The following ERP44 variants were observed in gnomAD, a reference collection of about 807,000 sequenced individuals.
ERP44 encodes the protein endoplasmic reticulum protein 44.
In ERP44, 25 loss-of-function variants were observed where a neutral mutation model predicts 53.4. The ratio of observed to expected loss-of-function variants is 0.47; its 90% CI spans 0.34 to 0.65. The LOEUF is 0.65. Ranked by LOEUF, ERP44 falls within the 30% of genes least tolerant of loss-of-function variation. The pLI is 0.01. For synonymous variants in ERP44, 145 were observed against 161.2 expected (o/e 0.90, Z 0.76); for missense variants, 338 against 493.2 (o/e 0.69, Z 2.98).
intron 4 of ERP44, among the ~76,000 whole-genome samples, chr9:100,036,754 C>A (rs1437401629): frequency 6.6e-6 from 1 of 151,362 alleles, no homozygotes; most frequent in Non-Finnish European, 1.5e-5. Flanking sequence ...AAGCCAGGCA[C>A]AGAAAAATAA....
intron 8 of ERP44, among the ~76,000 whole-genome samples, chr9:100,010,427 A>G (rs1239171669): frequency 6.6e-6 from 1 of 152,228 alleles, no homozygotes; most frequent in Admixed American, 6.5e-5. Flanking sequence ...AAGATTTTCC[A>G]GGTCTATACC....
At chr9:100,053,003 C>T (rs943961171) in intron 3 of ERP44, among the ~76,000 whole-genome samples, 3 of 152,040 alleles carry the variant, frequency 2.0e-5, no homozygotes, top group African/African-American at 2.4e-5. Context: ...CTGCACCCTC[C>T]ACCTCCAGGG....
At chr9:100,024,953 C>G (rs1014421320) in intron 4 of ERP44, among the ~76,000 whole-genome samples, 25 of 151,980 alleles carry the variant, frequency 1.6e-4, no homozygotes, top group African/African-American at 5.8e-4. Flanking sequence ...CTAGAAGAAA[C>G]AGAAGATATA....
intron 1 of ERP44, among the ~76,000 whole-genome samples, chr9:100,084,933 A>G (rs1826464831): frequency 6.6e-6 from 1 of 152,228 alleles, no homozygotes; most frequent in Non-Finnish European, 1.5e-5. Context: ...AGCTAAGGCA[A>G]CAAACACAAC....
intron 1 of ERP44, among the ~76,000 whole-genome samples, chr9:100,075,346 C>T (rs1209891505): frequency 6.6e-6 from 1 of 152,224 alleles, no homozygotes; most frequent in Non-Finnish European, 1.5e-5. Context: ...TTTCTCCATT[C>T]CTTTCCATAA....
intron 1 of ERP44, among the ~76,000 whole-genome samples, chr9:100,089,580 C>CAAAAAA (rs71498726): frequency 3.9e-4 from 17 of 43,438 alleles, no homozygotes; most frequent in South Asian, 9.9e-4. Context: ...GACTCCATCT[C>CAAAAAA]AAAAAAAAAA....
chr9:100,064,284 A>G (rs1156824260), intron 1 of ERP44, among the ~76,000 whole-genome samples: 2 of 152,192 alleles, frequency 1.3e-5, no homozygotes, highest in African/African-American at 4.8e-5. Flanking sequence ...AGAAACATTC[A>G]AATATGTACT....
chr9:100,063,291 G>A (rs1296547472), intron 1 of ERP44, among the ~76,000 whole-genome samples: 1 of 152,036 alleles, frequency 6.6e-6, no homozygotes, highest in Non-Finnish European at 1.5e-5. Flanking sequence ...TGTTAAGAGG[G>A]CCCAAAGCAA....
chr9:100,089,629 C>T (rs1340814660), intron 1 of ERP44, among the ~76,000 whole-genome samples: 2 of 148,328 alleles, frequency 1.3e-5, no homozygotes, highest in East Asian at 3.9e-4. Flanking sequence ...AGCCATAAAG[C>T]GCTTCCTTAA....
chr9:100,017,298 T>C (rs563331150), intron 7 of ERP44, among the ~76,000 whole-genome samples: 2 of 152,356 alleles, frequency 1.3e-5, no homozygotes, highest in Admixed American at 1.3e-4. Context: ...CCGTTTTTAC[T>C]AATTAAGAAA....
At chr9:100,079,044 C>T (rs1338001251) in intron 1 of ERP44, among the ~76,000 whole-genome samples, 3 of 152,126 alleles carry the variant, frequency 2.0e-5, no homozygotes, top group Non-Finnish European at 4.4e-5. Flanking sequence ...TGAGTGTCAA[C>T]TTGATTGGCT....
chr9:100,083,220 A>C (rs1279666090), intron 1 of ERP44, among the ~76,000 whole-genome samples: 1 of 152,156 alleles, frequency 6.6e-6, no homozygotes. Context: ...ATTCACTGTA[A>C]TATTATTTGT....
At chr9:100,049,052 G>T (rs913497515) in intron 4 of ERP44, among the ~76,000 whole-genome samples, 4 of 152,056 alleles carry the variant, frequency 2.6e-5, no homozygotes, top group Non-Finnish European at 4.4e-5. Context: ...GGTAGAATGG[G>T]CGAAAATATT....
intron 11 of ERP44, among the ~76,000 whole-genome samples, chr9:99,984,128 G>C (rs963056025): frequency 6.6e-6 from 1 of 152,080 alleles, no homozygotes; most frequent in African/African-American, 2.4e-5. Flanking sequence ...TTCCTATAGG[G>C]AATTCTTGCC....
intron 11 of ERP44, 131 bp downstream of exon 11, chr9:99,984,836 T>C (rs1830180061): frequency 3.5e-6 from 2 of 573,012 alleles, no homozygotes; most frequent in Admixed American, 3.2e-5. Flanking sequence ...GGTTAATTTC[T>C]ACTCAGAATT....
At chr9:100,050,337 ATC>A (rs1826022944) in intron 4 of ERP44, among the ~76,000 whole-genome samples, 1 of 152,210 alleles carries the variant, frequency 6.6e-6, no homozygotes, top group Non-Finnish European at 1.5e-5. Flanking sequence ...ACCTCAATAA[ATC>A]TCTTTTAAAA....
Position 100,007,585 on chromosome 9 carries a change from A to G in ERP44, c.867T>C (p.Ser289=). 2.1e-6 allele frequency: 3 copies of G among 1,462,898 alleles called. No individual in the cohort carries two copies. Among genetic ancestry groups the G allele is most frequent in the African/African-American group, 1.4e-5 (1 of 72,118 alleles). 90.6% of individuals were successfully genotyped at this position (1,462,898 alleles called of 1,614,324 possible). ...ACACCTTAATCTGTCTACCTTTTTC[A>G]CTTATTAATTGCCGAGCTACTTCAT... ...FQNEVARQLI[S]EKGTINFLHA... The change falls in exon 9 of 12, where the codon AGT becomes AGC. Residue 289 remains serine (S), a synonymous_variant. Coordinates refer to ENST00000262455, the MANE Select transcript of ERP44 (RefSeq NM_015051.3).
chr9:99,985,502 A>G (rs1830187335), intron 10 of ERP44, among the ~76,000 whole-genome samples: 1 of 152,252 alleles, frequency 6.6e-6, no homozygotes, highest in Non-Finnish European at 1.5e-5. Flanking sequence ...CTTTGTAACC[A>G]AAGCACTACT....
At position 100,089,191 on chromosome 9, in the gene ERP44, A is replaced by G. The variant is rs1041853860; in HGVS notation, c.57+9593T>C. The stretch of plus-strand genomic sequence containing the variant: ...ACATAACCCGCCCCTTATCAACTGT[A>G]GTGGTACTGGAATCACAATACTTGT... On this transcript the variant is annotated intron_variant, in intron 1 of 11. Coordinates refer to ENST00000262455, the MANE Select transcript of ERP44 (RefSeq NM_015051.3). Among the ~76,000 whole-genome samples, 5 of 152,336 alleles carry G rather than the reference A, an allele frequency of 3.3e-5. No homozygotes were observed. In the East Asian group the frequency reaches 7.7e-4, roughly 23 times the overall value.
Sources: gnomAD v4.1 joint callset for allele counts (sites outside exome capture counted in the v4.1 genomes callset) on GRCh38, gnomAD v4.1.1 for gene constraint, MANE v1.5 for transcripts, NCBI Gene and HGNC (gene_info 2026-07-23, HGNC 2026-07-21) for gene names.